The following CSMD1 variants were observed in gnomAD, a reference collection of about 807,000 sequenced individuals.
CSMD1 encodes CUB and Sushi multiple domains 1.
A neutral mutation model predicts 417.5 loss-of-function variants in CSMD1; 213 were observed. The ratio of observed to expected loss-of-function variants is 0.51; its 90% CI spans 0.46 to 0.57. The LOEUF (loss-of-function observed/expected upper bound fraction) is 0.57. CSMD1 is among the 20% of genes least tolerant of loss of function. CSMD1 has a pLI of 0.00. For missense variants in CSMD1, 6,923 were observed against 4,529.7 expected, an observed-to-expected ratio of 1.53 and a Z score of -15.17; for synonymous variants, 2,862 against 1,736.8, an observed-to-expected ratio of 1.65 and a Z score of -16.11.
chr8:2,956,894 T>A (rs531615538), intron 63 of CSMD1, among the ~76,000 whole-genome samples: 3 of 152,298 alleles, frequency 2.0e-5, no homozygotes, highest in East Asian at 1.9e-4. Context: ...TGTATGTATA[T>A]ACATATATAT....
chr8:4,356,257 C>T (rs772886357), intron 3 of CSMD1, among the ~76,000 whole-genome samples: 9 of 152,126 alleles, frequency 5.9e-5, no homozygotes, highest in Non-Finnish European at 4.4e-5. Context: ...TCTCCAATCT[C>T]ATCCCGGTCA....
intron 5 of CSMD1, among the ~76,000 whole-genome samples, chr8:3,886,566 G>A (rs560842466): frequency 6.6e-6 from 1 of 152,216 alleles, no homozygotes; most frequent in African/African-American, 2.4e-5. Context: ...AAGCGTGGCT[G>A]TGTTGCAGGA....
intron 5 of CSMD1, among the ~76,000 whole-genome samples, chr8:3,934,454 A>T (rs1298296828): frequency 1.3e-5 from 2 of 152,226 alleles, no homozygotes; most frequent in Admixed American, 6.5e-5. Context: ...ATAATTTTCA[A>T]AGTAAATGAA....
intron 1 of CSMD1, among the ~76,000 whole-genome samples, chr8:4,964,443 C>G (rs1369880932): frequency 2.3e-5 from 3 of 130,092 alleles, no homozygotes; most frequent in Non-Finnish European, 4.6e-5. Context: ...CACCTGATCC[C>G]AGGAGGTCGA....
chr8:3,386,798 C>T (rs1397941893), intron 18 of CSMD1, among the ~76,000 whole-genome samples: 3 of 152,198 alleles, frequency 2.0e-5, no homozygotes, highest in African/African-American at 7.2e-5. Flanking sequence ...CAATGTTATA[C>T]TGGGGTTATA....
intron 3 of CSMD1, among the ~76,000 whole-genome samples, chr8:4,066,268 A>G (rs1225287079): frequency 6.6e-6 from 1 of 152,150 alleles, no homozygotes; most frequent in African/African-American, 2.4e-5. Context: ...CCTCTGAGGT[A>G]TCCCTTCTTT....
chr8:3,639,797 A>T (rs149019309), intron 7 of CSMD1, among the ~76,000 whole-genome samples: 1 of 152,164 alleles, frequency 6.6e-6, no homozygotes, highest in East Asian at 1.9e-4. Context: ...TACTCATCCT[A>T]TTTTGGTTCA....
intron 54 of CSMD1, among the ~76,000 whole-genome samples, chr8:2,992,854 C>T (rs1806519050): frequency 6.6e-6 from 1 of 152,106 alleles, no homozygotes; most frequent in Non-Finnish European, 1.5e-5. Context: ...CCTCCCTTCT[C>T]AGCCTCCTAG....
chr8:3,872,227 T>G (rs993559601), intron 5 of CSMD1, among the ~76,000 whole-genome samples: 1 of 152,200 alleles, frequency 6.6e-6, no homozygotes, highest in East Asian at 1.9e-4. Context: ...CTGGTTGTTG[T>G]CGTTGTTGTT....
intron 1 of CSMD1, among the ~76,000 whole-genome samples, chr8:4,778,066 C>A (rs1796960682): frequency 6.6e-6 from 1 of 152,168 alleles, no homozygotes; most frequent in Non-Finnish European, 1.5e-5. Context: ...TAAACACACA[C>A]AGGCATACTG....
At chr8:4,025,794 G>A (rs1375764162) in intron 4 of CSMD1, among the ~76,000 whole-genome samples, 1 of 152,070 alleles carries the variant, frequency 6.6e-6, no homozygotes, top group Non-Finnish European at 1.5e-5. Context: ...TTTAAGCAAA[G>A]GTGACTGGCC....
intron 7 of CSMD1, among the ~76,000 whole-genome samples, chr8:3,679,972 G>A (rs187235239): frequency 1.2e-3 from 185 of 152,236 alleles, no homozygotes; most frequent in Middle Eastern, 3.4e-3. Flanking sequence ...AAATAAAGAT[G>A]TTCTTTGAAA....
At chr8:4,186,620 G>C (rs757894478) in intron 3 of CSMD1, among the ~76,000 whole-genome samples, 2 of 152,132 alleles carry the variant, frequency 1.3e-5, no homozygotes, top group Non-Finnish European at 2.9e-5. Flanking sequence ...CAATCTTCCA[G>C]GGGCTAAGAG....
At chr8:4,857,890 G>A (rs1333740151) in intron 1 of CSMD1, among the ~76,000 whole-genome samples, 1 of 151,578 alleles carries the variant, frequency 6.6e-6, no homozygotes, top group Non-Finnish European at 1.5e-5. Flanking sequence ...TAGAAAAAGA[G>A]GGAATCCTCC....
intron 23 of CSMD1, among the ~76,000 whole-genome samples, chr8:3,336,873 A>T (rs1328260953): frequency 6.6e-6 from 1 of 152,162 alleles, no homozygotes; most frequent in African/African-American, 2.4e-5. Context: ...CATGTCTGAG[A>T]TGGTCAGATC....
intron 1 of CSMD1, among the ~76,000 whole-genome samples, chr8:4,830,698 C>T (rs929770799): frequency 1.3e-5 from 2 of 152,226 alleles, no homozygotes. Flanking sequence ...CCAATGGCAA[C>T]ACTGTATTGC....
intron 3 of CSMD1, among the ~76,000 whole-genome samples, chr8:4,308,216 G>A (rs536728637): frequency 3.9e-5 from 6 of 152,114 alleles, no homozygotes; most frequent in Non-Finnish European, 8.8e-5. Context: ...GACTGTGTGG[G>A]ATGTGTGTGG....
chr8:3,234,596 C>T (rs1799041047), intron 26 of CSMD1, among the ~76,000 whole-genome samples: 1 of 152,138 alleles, frequency 6.6e-6, no homozygotes, highest in African/African-American at 2.4e-5. Flanking sequence ...TCCCACTTTC[C>T]TCCCATCAGC....
chr8:3,379,529 G>C (rs1022696318), intron 18 of CSMD1, among the ~76,000 whole-genome samples: 2 of 152,108 alleles, frequency 1.3e-5, no homozygotes, highest in African/African-American at 2.4e-5. Context: ...AAAACAGCAA[G>C]GTACTGGTAC....
Sources: gnomAD v4.1 joint callset for allele counts (sites outside exome capture counted in the v4.1 genomes callset) on GRCh38, gnomAD v4.1.1 for gene constraint, MANE v1.5 for transcripts, NCBI Gene and HGNC (gene_info 2026-07-23, HGNC 2026-07-21) for gene names.